MGAM: variants seen among roughly 807,000 people sequenced by gnomAD.
The protein encoded by MGAM is maltase-glucoamylase.
In MGAM, 253 loss-of-function variants were observed where a neutral mutation model predicts 358.8. The observed-to-expected ratio is 0.71, with a 90% CI of 0.64 to 0.78. The LOEUF (loss-of-function observed/expected upper bound fraction) is 0.78, where lower values mean the gene tolerates loss of function less well. Ranked by LOEUF, MGAM falls within the 30% of genes least tolerant of loss-of-function variation. The pLI is 0.00. For synonymous variants in MGAM, 1,105 were observed against 1,227.1 expected (o/e 0.90, Z 2.08); for missense variants, 3,080 against 3,432.6 (o/e 0.90, Z 2.57).
chr7:142,060,574 A>G (rs1408790627), intron 34 of MGAM, among the ~76,000 whole-genome samples: 10 of 152,232 alleles, frequency 6.6e-5, no homozygotes, highest in African/African-American at 2.4e-4. Context: ...GTAGATATGT[A>G]TTATTATCCT....
At chr7:142,078,113 G>A (rs1225124308) in intron 47 of MGAM, among the ~76,000 whole-genome samples, 2 of 146,040 alleles carry the variant, frequency 1.4e-5, no homozygotes, top group Admixed American at 1.4e-4. Context: ...TGCTAGAGGG[G>A]AGTCATATGC....
At chr7:142,078,534 C>A (rs1239311777) in intron 48 of MGAM, 64 bp downstream of exon 48, 2 of 1,397,636 alleles carry the variant, frequency 1.4e-6, no homozygotes, top group Non-Finnish European at 9.7e-7. Context: ...GTTTCTTAAG[C>A]ATAGCAGTGG....
At chr7:142,000,606 AT>A (rs767324436) in intron 1 of MGAM, among the ~76,000 whole-genome samples, 1 of 152,172 alleles carries the variant, frequency 6.6e-6, no homozygotes, top group Non-Finnish European at 1.5e-5. Flanking sequence ...CCGTGTGATG[AT>A]TTTAAATAAC....
At chr7:142,040,962 G>GT in intron 21 of MGAM, 116 bp downstream of exon 21, 1 of 1,285,596 alleles carries the variant, frequency 7.8e-7, no homozygotes. Context: ...GGCCACGACT[G>GT]TTGCAGTTTT....
intron 26 of MGAM, among the ~76,000 whole-genome samples, chr7:142,053,965 A>C (rs1297291971): frequency 6.6e-5 from 10 of 152,158 alleles, no homozygotes; most frequent in Admixed American, 5.9e-4. Context: ...ACTCTTTCCA[A>C]AATATGTGCC....
chr7:142,098,011 A>G (rs780105693), intron 66 of MGAM, among the ~76,000 whole-genome samples: 7 of 152,150 alleles, frequency 4.6e-5, no homozygotes, highest in Non-Finnish European at 7.3e-5. Flanking sequence ...TTATATCTTT[A>G]CCTGCTGTAA....
At chr7:141,993,280 G>A (rs555981631), upstream of MGAM, among the ~76,000 whole-genome samples, 10 of 152,292 alleles carry the variant, frequency 6.6e-5, no homozygotes, top group South Asian at 2.1e-3. Context: ...ACTATGTGTG[G>A]TAAAACAGCA....
At chr7:142,034,914 A>G (rs968881009) in intron 16 of MGAM, 73 bp downstream of exon 16, 1 of 1,456,158 alleles carries the variant, frequency 6.9e-7, no homozygotes, top group East Asian at 2.3e-5. Flanking sequence ...TTTTCAAACC[A>G]CAAAGCTCCC....
chr7:142,106,102 CA>C lies in MGAM; in HGVS notation c.*212del, dbSNP rs1462338805. The C allele has an allele frequency of 9.8e-5, 46 of 470,436 alleles. No homozygotes were observed. The highest frequency in any genetic ancestry group is 1.5e-4 in the Non-Finnish European group (39 of 255,262). The allele number at this position is 470,436 out of a possible 1,614,324, so 29.1% of individuals were successfully genotyped here. On this transcript the variant is annotated 3_prime_UTR_variant, in exon 71 of 71. Transcript: ENST00000475668. ...GTTAGGGAGGTGTGGAAAATCTATG[CA>C]TTACCTTAATGTCTCTGTGTGGTTA...
At chr7:142,097,009 A>G (rs1815978523) in intron 65 of MGAM, among the ~76,000 whole-genome samples, 1 of 150,648 alleles carries the variant, frequency 6.6e-6, no homozygotes, top group South Asian at 2.1e-4. Flanking sequence ...GCTCAGTGCA[A>G]CCTCTGCCTC....
chr7:141,988,295 TA>T (rs1220284036), intron 2 of MGAM, among the ~76,000 whole-genome samples: 1 of 150,544 alleles, frequency 6.6e-6, no homozygotes, highest in Non-Finnish European at 1.5e-5. Flanking sequence ...GACTCTGTCT[TA>T]AAAAAAAACA....
chr7:142,058,409 T>G lies in MGAM; in HGVS notation c.3819+81T>G, dbSNP rs2960755. 1.2e-4 allele frequency: 190 copies of G among 1,589,768 alleles called. 4 individuals are homozygous for G. In the South Asian group the frequency reaches 2.1e-3, roughly 17 times the overall value. On this transcript the variant is annotated intron_variant, in intron 31 of 70. Coordinates refer to ENST00000475668, the MANE Select transcript of MGAM (RefSeq NM_001365693.1). The stretch of plus-strand genomic sequence containing the variant: ...CTGGGTTCATTTGTCTAATGTTTGT[T>G]GGATTCCATAAAGACATAAAGTTCT...
intron 14 of MGAM, among the ~76,000 whole-genome samples, chr7:142,033,767 G>T (rs916602199): frequency 2.0e-5 from 3 of 152,104 alleles, no homozygotes; most frequent in African/African-American, 7.2e-5. Flanking sequence ...AAGACATGAC[G>T]AAGCTACTGC....
rs778409411 is a variant in MGAM at position 142,085,820 on chromosome 7, T to C, written c.6508-13T>C. 8.3e-6 allele frequency: 13 copies of C among 1,562,354 alleles called. 2 individuals carry two copies. In the East Asian group the frequency reaches 9.1e-5, roughly 11 times the overall value. ...ACAGCAGCAGCCTCTCAGCTCCCCA[T>C]GTCCTCCCGCAGGACGTGCAGTACT... On this transcript the variant is annotated splice_polypyrimidine_tract_variant and intron_variant, in intron 54 of 70. Transcript: ENST00000475668.
chr7:142,040,903 A>AT, intron 21 of MGAM, 57 bp downstream of exon 21: 1 of 1,534,242 alleles, frequency 6.5e-7, no homozygotes, highest in Non-Finnish European at 8.7e-7. Context: ...AACCCTTTGA[A>AT]TTTCTTTTCG....
intron 30 of MGAM, among the ~76,000 whole-genome samples, chr7:142,057,532 T>C (rs900356272): frequency 9.6e-5 from 10 of 104,208 alleles, no homozygotes; most frequent in African/African-American, 3.3e-4. Flanking sequence ...GGGATGGTGG[T>C]TGGGGTGGTG....
chr7:142,063,380 G>C (rs1181674569), intron 35 of MGAM, 119 bp from the exon 36 acceptor site: 1 of 1,197,490 alleles, frequency 8.4e-7, no homozygotes, highest in African/African-American at 1.5e-5. Flanking sequence ...AAGCTCCCAG[G>C]GCTGGCATCT....
At chr7:142,058,396 G>C in intron 31 of MGAM, 68 bp downstream of exon 31, 1 of 1,600,086 alleles carries the variant, frequency 6.2e-7, no homozygotes, top group Non-Finnish European at 8.5e-7. Context: ...GGGTTCATTT[G>C]TCTAATGTTT....
Position 142,025,068 on chromosome 7 carries a change from G to C in MGAM, c.901G>C (p.Gly301Arg). The C allele has an allele frequency of 6.2e-7, 1 of 1,613,516 alleles. No individual in the cohort carries two copies. The change falls in exon 8 of 71, where the codon GGT (glycine) becomes CGT (arginine). Residue 301 changes from glycine (G) to arginine (R), a missense_variant. Gly to Arg is a moderately radical substitution (Grantham distance 125). Transcript: ENST00000475668. ...TPNGNGTNLY[G>R]AQTFFLCLED... is the part of the protein sequence containing the mutation. ...TCTGCAGAACGGAACTAATTTGTAT[G>C]GTGCGCAGACATTCTTCTTGTGCCT... is the stretch of plus-strand genomic sequence containing the variant.
Sources: gnomAD v4.1 joint callset for allele counts (sites outside exome capture counted in the v4.1 genomes callset) on GRCh38, gnomAD v4.1.1 for gene constraint, MANE v1.5 for transcripts, NCBI Gene and HGNC (gene_info 2026-07-23, HGNC 2026-07-21) for gene names.